The following CFAP57 variants were observed in gnomAD, a reference collection of about 807,000 sequenced individuals.
The protein encoded by CFAP57 is cilia and flagella associated protein 57.
A neutral mutation model predicts 146.8 loss-of-function variants in CFAP57; 116 were observed. The observed-to-expected ratio is 0.79, with a 90% CI of 0.68 to 0.92. The LOEUF is 0.92. CFAP57 is among the 40% of genes least tolerant of loss of function. The pLI, the probability that CFAP57 is intolerant of heterozygous loss-of-function variation, is 0.00. For synonymous variants in CFAP57, 518 were observed against 552.8 expected, an observed-to-expected ratio of 0.94 and a Z score of 0.88; for missense variants, 1,377 against 1,527.2, an observed-to-expected ratio of 0.90 and a Z score of 1.64.
At chr1:43,233,317 C>T (rs1327722649) in intron 19 of CFAP57, among the ~76,000 whole-genome samples, 6 of 152,116 alleles carry the variant, frequency 3.9e-5, no homozygotes, top group Non-Finnish European at 7.4e-5. Flanking sequence ...AGTGAAACCC[C>T]GTCTCTACTA....
At position 43,197,670 on chromosome 1, in the gene CFAP57, C is replaced by T. The variant is rs769777868; in HGVS notation, c.1240C>T (p.Arg414Cys). ...IATCSLDRSIRLWNYETNTLE... is the reference protein window; with the variant it reads ...IATCSLDRSICLWNYETNTLE... ...CACCTGTTCTCTGGATCGATCCATC[C>T]GCCTTTGGAATTATGAAACAAAGTA... The change falls in exon 7 of 23, where the codon CGC (arginine) becomes TGC (cysteine). Residue 414 changes from arginine to cysteine, a missense_variant. By Grantham distance (180) the Arg-to-Cys change is radical (BLOSUM62 -3). Transcript: ENST00000372492. The T allele has an allele frequency of 1.8e-5, 29 of 1,614,000 alleles. No individual in the cohort carries two copies. The highest frequency in any genetic ancestry group is 1.6e-4 in the Middle Eastern group (1 of 6,084).
Position 43,224,186 on chromosome 1 carries a change from C to A in CFAP57, c.2847C>A (p.Asp949Glu). 1 of 1,545,808 alleles carries A rather than the reference C, an allele frequency of 6.5e-7. No individual in the cohort carries two copies. Among genetic ancestry groups the A allele is most frequent in the Non-Finnish European group, 8.7e-7 (1 of 1,144,670 alleles). Residue 949 changes from aspartate to glutamate, a missense_variant, in exon 17 of 23, where the codon GAC (aspartate) becomes GAA (glutamate). Coordinates refer to ENST00000372492, the MANE Select transcript of CFAP57 (RefSeq NM_001378189.1). ...QGLKREIQER[D>E]ETIQDKEKRI... Reference sequence around the variant, plus strand: ...TCAAGCGAGAGATCCAGGAAAGAGACGAGACTATTCAAGACAAGGTGCAGC... The same window carrying A: ...TCAAGCGAGAGATCCAGGAAAGAGAAGAGACTATTCAAGACAAGGTGCAGC...
chr1:43,252,085 T>A (rs2124698293), intron 22 of CFAP57, among the ~76,000 whole-genome samples: 1 of 152,316 alleles, frequency 6.6e-6, no homozygotes, highest in African/African-American at 2.4e-5. Context: ...AAACTTTGCT[T>A]TCCTTCCAGT....
intron 2 of CFAP57, among the ~76,000 whole-genome samples, chr1:43,180,194 G>C (rs1407591833): frequency 3.5e-5 from 5 of 144,722 alleles, no homozygotes; most frequent in Non-Finnish European, 6.0e-5. Flanking sequence ...CGACAAGAGT[G>C]AAACTCTATC....
chr1:43,240,011 T>C (rs2124645417), intron 21 of CFAP57, among the ~76,000 whole-genome samples: 1 of 152,348 alleles, frequency 6.6e-6, no homozygotes, highest in African/African-American at 2.4e-5. Context: ...TAAATATGTA[T>C]TGAATTGATC....
intron 16 of CFAP57, 123 bp from the exon 17 acceptor site, chr1:43,223,923 G>C: frequency 8.7e-7 from 1 of 1,148,940 alleles, no homozygotes; most frequent in East Asian, 2.6e-5. Context: ...AATGTTGAAT[G>C]CTAAGTGTTT....
In CFAP57 at chr1:43,181,768, C is replaced by T; in HGVS notation, c.392C>T (p.Ser131Leu). The T allele has an allele frequency of 6.2e-7, 1 of 1,614,136 alleles. No homozygotes were observed. The highest frequency in any genetic ancestry group is 8.5e-7 in the Non-Finnish European group (1 of 1,180,018). The change falls in exon 3 of 23, where the codon TCA (serine) becomes TTA (leucine). Residue 131 changes from serine to leucine, a missense_variant. Ser to Leu is a moderately radical substitution (Grantham distance 145). Transcript: ENST00000372492. ...YLLAQTSPPESNLVYWLWEKQ... is the reference protein window; with the variant it reads ...YLLAQTSPPELNLVYWLWEKQ... ...TTGGCTCAGACGTCACCTCCAGAGT[C>T]AAATCTTGTCTACTGGCTGTGGGAA...
In CFAP57 at chr1:43,222,118, C is replaced by T; in HGVS notation, c.2355C>T (p.Asn785=). ...GCTTCTCTCCAGAATGTTGCAACAA[C>T]CAAAAGTTGCTTCTAGAATATGAGA... ...RELQDMECCN[N]QKLLLEYEKY... The change falls in exon 15 of 23, where the codon AAC becomes AAT. Residue 785 remains asparagine, a synonymous_variant. Coordinates refer to ENST00000372492, the MANE Select transcript of CFAP57 (RefSeq NM_001378189.1). The T allele has an allele frequency of 6.5e-7, 1 of 1,546,830 alleles. No individual in the cohort carries two copies. Among genetic ancestry groups the T allele is most frequent in the East Asian group, 2.5e-5 (1 of 40,698 alleles).
At chr1:43,220,627 G>C (rs376245731) in intron 13 of CFAP57, among the ~76,000 whole-genome samples, 73 of 152,278 alleles carry the variant, frequency 4.8e-4, no homozygotes, top group African/African-American at 1.6e-3. Flanking sequence ...GGGAGGCTGG[G>C]ATGGGAGGAC....
intron 22 of CFAP57, among the ~76,000 whole-genome samples, chr1:43,248,485 T>C (rs1646202510): frequency 1.6e-5 from 1 of 62,036 alleles, no homozygotes; most frequent in Non-Finnish European, 4.3e-5. Context: ...ACCTGGCTAA[T>C]TTTTTTTTGT....
chr1:43,186,842 C>G lies in CFAP57; in HGVS notation c.1105C>G (p.Leu369Val), dbSNP rs1268008383. 6.2e-7 allele frequency: 1 copy of G among 1,614,154 alleles called. No homozygotes were observed. The highest frequency in any genetic ancestry group is 2.2e-5 in the East Asian group (1 of 44,876). Residue 369 changes from leucine to valine, a missense_variant, in exon 6 of 23, where the codon CTG becomes GTG. Coordinates refer to ENST00000372492, the MANE Select transcript of CFAP57 (RefSeq NM_001378189.1). ...KNQLYSITMSLTEISKGEPAH... is the reference protein window; with the variant it reads ...KNQLYSITMSVTEISKGEPAH... ...CCAACTCTACAGCATCACCATGTCC[C>G]TGACAGAGATCAGCAAGGTGAGTCT...
chr1:43,212,082 C>T (rs1280525201), intron 11 of CFAP57, among the ~76,000 whole-genome samples: 2 of 152,180 alleles, frequency 1.3e-5, no homozygotes, highest in African/African-American at 4.8e-5. Context: ...GCACAGAGTT[C>T]CCGTGTATCC....
At chr1:43,227,175 C>CT in intron 18 of CFAP57, 49 bp downstream of exon 18, 1 of 1,461,318 alleles carries the variant, frequency 6.8e-7, no homozygotes, top group East Asian at 2.6e-5. Context: ...TCTGTCTCTT[C>CT]TTCCACAATT....
chr1:43,227,234 C>A (rs1645280264), intron 18 of CFAP57, 108 bp downstream of exon 18: 1 of 1,302,002 alleles, frequency 7.7e-7, no homozygotes, highest in Non-Finnish European at 1.0e-6. Context: ...ACAGTCCTCT[C>A]TGCTCCCAAG....
rs1265342283 is a variant in CFAP57, at chr1:43,172,540, G to C, written c.-20+87G>C. 2.5e-6 allele frequency: 3 copies of C among 1,201,414 alleles called. No homozygotes were observed. The Admixed American group carries it at 6.7e-5, about 27-fold the overall frequency. 74.4% of individuals were successfully genotyped at this position (1,201,414 alleles called of 1,614,324 possible). ...AGGCAGAAAAAGGAGCCGCGGGGGT[G>C]GGGTGGCGCGGAGGAGGACCCCGGG... On this transcript the variant is annotated intron_variant, in intron 1 of 22. Coordinates refer to ENST00000372492, the MANE Select transcript of CFAP57 (RefSeq NM_001378189.1).
At chr1:43,210,108 G>C in intron 11 of CFAP57, 192 bp downstream of exon 11, 1 of 1,612,354 alleles carries the variant, frequency 6.2e-7, no homozygotes, top group Non-Finnish European at 8.5e-7. Context: ...ATTTAGCCTA[G>C]GAAATCATCA....
chr1:43,183,513 T>C (rs997428457), intron 3 of CFAP57, 78 bp from the exon 4 acceptor site: 3 of 1,335,906 alleles, frequency 2.2e-6, no homozygotes, highest in Non-Finnish European at 1.1e-6. Flanking sequence ...GAAATAAATA[T>C]TAATTTGTAA....
In CFAP57 at chr1:43,254,345, G is replaced by C. The variant is rs1007784571; in HGVS notation, c.*154G>C. On this transcript the variant is annotated 3_prime_UTR_variant, in exon 23 of 23. Transcript: ENST00000372492. ...TGGGGAATTTGGGACACAGAATAAA[G>C]GTGTTTGCCCACACCTTGTCTAACT... 7.2e-5 allele frequency: 49 copies of C among 677,348 alleles called. No homozygotes were observed. In the African/African-American group the frequency reaches 8.3e-4, roughly 12 times the overall value. The allele number at this position is 677,348 out of a possible 1,614,324, so 42.0% of individuals were successfully genotyped here. A position where few individuals can be genotyped will look rare whatever the true frequency, so the allele number is the denominator to read the frequency against.
chr1:43,213,626 T>A (rs1354857815), intron 11 of CFAP57, among the ~76,000 whole-genome samples: 1 of 152,136 alleles, frequency 6.6e-6, no homozygotes, highest in Non-Finnish European at 1.5e-5. Flanking sequence ...TTGAGAAGTC[T>A]ACATACTGTT....
Sources: allele counts gnomAD v4.1 joint callset (sites outside exome capture counted in the v4.1 genomes callset), GRCh38; gene constraint gnomAD v4.1.1; transcripts MANE v1.5; gene names NCBI Gene and HGNC (gene_info 2026-07-23, HGNC 2026-07-21).